Variants in NRXN3 observed in about 807,000 individuals in gnomAD.
NRXN3 encodes the protein neurexin 3.
Under a neutral mutation model 137.6 loss-of-function variants are expected in NRXN3, and 32 were observed. The observed-to-expected ratio is 0.23, with a 90% CI of 0.18 to 0.31. NRXN3 has a LOEUF of 0.31. Among genes scored for constraint, NRXN3 ranks in the 10% least tolerant of loss-of-function variants. NRXN3 has a pLI of 1.00. For synonymous variants in NRXN3, 798 were observed against 784.5 expected (o/e 1.02, Z -0.29); for missense variants, 1,574 against 2,062.5 (o/e 0.76, Z 4.59).
chr14:79,064,668 T>C (rs1038653155), intron 15 of NRXN3, among the ~76,000 whole-genome samples: 1 of 148,966 alleles, frequency 6.7e-6, no homozygotes, highest in African/African-American at 2.4e-5. Flanking sequence ...ATATGGGTAA[T>C]TATATAAAAT....
In NRXN3 at chr14:79,658,150, G is replaced by A. The variant is rs376587145; in HGVS notation, c.3445-5628G>A. Among the ~76,000 whole-genome samples the A allele has an allele frequency of 3.5e-4, 53 of 152,214 alleles. No homozygotes were observed. The East Asian group carries it at 8.9e-3, about 26-fold the overall frequency. On this transcript the variant is annotated intron_variant, in intron 16 of 20. Coordinates refer to ENST00000335750, the MANE Select transcript of NRXN3 (RefSeq NM_001330195.2). ...ATAACATGTAAAAGCTGTGATTGTCGAAAATGCATGGATTTTAGAGTCAGA... is the reference window on the plus strand; with the variant it reads ...ATAACATGTAAAAGCTGTGATTGTCAAAAATGCATGGATTTTAGAGTCAGA...
chr14:78,800,836 C>A (rs962071299), intron 8 of NRXN3, among the ~76,000 whole-genome samples: 6 of 152,138 alleles, frequency 3.9e-5, no homozygotes, highest in South Asian at 2.1e-4. Context: ...TTACGTCTAT[C>A]ACCTAGAATA....
intron 4 of NRXN3, among the ~76,000 whole-genome samples, chr14:78,607,817 C>A (rs2097265181): frequency 6.6e-6 from 1 of 152,134 alleles, no homozygotes; most frequent in African/African-American, 2.4e-5. Flanking sequence ...ATCCCTCTTA[C>A]ATCCTCAGAT....
chr14:79,384,837 T>A (rs1438506358), intron 15 of NRXN3, among the ~76,000 whole-genome samples: 1 of 152,214 alleles, frequency 6.6e-6, no homozygotes. Flanking sequence ...ATTGTTAGGA[T>A]GATTAAATAA....
chr14:78,332,682 G>A (rs1253988051), intron 4 of NRXN3, among the ~76,000 whole-genome samples: 1 of 152,196 alleles, frequency 6.6e-6, no homozygotes, highest in Non-Finnish European at 1.5e-5. Flanking sequence ...GGCTTTAAGT[G>A]TCATCTAACC....
intron 10 of NRXN3, among the ~76,000 whole-genome samples, chr14:78,950,634 AAAG>A (rs909368203): frequency 5.3e-5 from 8 of 151,888 alleles, no homozygotes; most frequent in Non-Finnish European, 1.0e-4. Flanking sequence ...AAGGAAGAAA[AAAG>A]AAGGAAAGAA....
chr14:78,252,579 T>C (rs1328773283), intron 2 of NRXN3, among the ~76,000 whole-genome samples: 2 of 152,254 alleles, frequency 1.3e-5, no homozygotes, highest in Non-Finnish European at 2.9e-5. Flanking sequence ...GCCTCTGATC[T>C]GCTAGCTTGG....
rs888099694 is a variant in NRXN3 at position 79,613,731 on chromosome 14, C to T, written c.3445-50047C>T. ...CCAGTATGTGTTGACTACCTTTTGC[C>T]CACCAGGAGCTAGGCAGGTTCACAG... On this transcript the variant is annotated intron_variant, in intron 16 of 20. Transcript: ENST00000335750. Among the ~76,000 whole-genome samples the T allele has an allele frequency of 3.3e-5, 5 of 152,280 alleles. No homozygotes were observed. The South Asian group carries it at 6.2e-4, about 19-fold the overall frequency.
chr14:78,674,904 T>G (rs2097984519), intron 6 of NRXN3, among the ~76,000 whole-genome samples: 1 of 152,220 alleles, frequency 6.6e-6, no homozygotes, highest in Admixed American at 6.5e-5. Flanking sequence ...AGCAAGGCTC[T>G]CTGTACTTAA....
intron 4 of NRXN3, among the ~76,000 whole-genome samples, chr14:78,478,460 A>G (rs2095417066): frequency 6.6e-6 from 1 of 152,170 alleles, no homozygotes; most frequent in South Asian, 2.1e-4. Flanking sequence ...AATATTGATT[A>G]TCTCTCTGTT....
chr14:79,803,536 A>G (rs1156334024), intron 19 of NRXN3, among the ~76,000 whole-genome samples: 2 of 152,040 alleles, frequency 1.3e-5, no homozygotes, highest in Non-Finnish European at 2.9e-5. Flanking sequence ...CACAAGTCAT[A>G]TTGGATTAGG....
intron 15 of NRXN3, among the ~76,000 whole-genome samples, chr14:79,007,457 CTT>C (rs34955421): frequency 1.4e-5 from 2 of 146,464 alleles, no homozygotes; most frequent in African/African-American, 2.5e-5. Flanking sequence ...AAGTCATGAA[CTT>C]TTTTTTTTTA....
chr14:79,342,604 G>C (rs930246068), intron 15 of NRXN3, among the ~76,000 whole-genome samples: 1 of 151,928 alleles, frequency 6.6e-6, no homozygotes, highest in African/African-American at 2.4e-5. Flanking sequence ...CTGAATTGGA[G>C]AATTTCTATT....
At chr14:78,900,009 A>G (rs2099190324) in intron 10 of NRXN3, among the ~76,000 whole-genome samples, 1 of 151,968 alleles carries the variant, frequency 6.6e-6, no homozygotes, top group Admixed American at 6.6e-5. Context: ...TGTTTCCTCA[A>G]TAATTGGCAT....
intron 19 of NRXN3, among the ~76,000 whole-genome samples, chr14:79,777,475 C>CT (rs1202090395): frequency 9.0e-6 from 1 of 110,760 alleles, no homozygotes; most frequent in Non-Finnish European, 2.1e-5. Flanking sequence ...TGGAATTTTT[C>CT]TAAAAAAAAA....
At chr14:78,239,770 G>A (rs991058288) in intron 1 of NRXN3, among the ~76,000 whole-genome samples, 2 of 151,978 alleles carry the variant, frequency 1.3e-5, no homozygotes, top group South Asian at 2.1e-4. Context: ...ACAGTGGCAC[G>A]ATCTTGGCTC....
At chr14:78,523,004 T>C (rs1453758332) in intron 4 of NRXN3, among the ~76,000 whole-genome samples, 1 of 152,268 alleles carries the variant, frequency 6.6e-6, no homozygotes, top group African/African-American at 2.4e-5. Context: ...TCTATGTTAT[T>C]TGATTTTAAA....
At chr14:79,725,252 T>C (rs928577109) in intron 19 of NRXN3, among the ~76,000 whole-genome samples, 4 of 152,154 alleles carry the variant, frequency 2.6e-5, no homozygotes, top group African/African-American at 9.6e-5. Flanking sequence ...AACTTTAGAT[T>C]GATACATGTC....
chr14:78,931,133 GA>G (rs202036530), intron 10 of NRXN3, among the ~76,000 whole-genome samples: 1 of 152,226 alleles, frequency 6.6e-6, no homozygotes, highest in Non-Finnish European at 1.5e-5. Flanking sequence ...TTCACAACAT[GA>G]ATTTTTTTTT....
Sources: allele counts gnomAD v4.1 joint callset (sites outside exome capture counted in the v4.1 genomes callset), GRCh38; gene constraint gnomAD v4.1.1; transcripts MANE v1.5; gene names NCBI Gene and HGNC (gene_info 2026-07-23, HGNC 2026-07-21).